Variants in PPP2R2C observed in about 807,000 individuals in gnomAD.
PPP2R2C encodes protein phosphatase 2, regulatory subunit B, gamma.
PPP2R2C carries 10 observed loss-of-function variants against 45.3 expected under a neutral mutation model. The ratio of observed to expected loss-of-function variants is 0.22; its 90% confidence interval spans 0.14 to 0.37. PPP2R2C has a LOEUF of 0.37. Among genes scored for constraint, PPP2R2C ranks in the 10% least tolerant of loss-of-function variants. PPP2R2C has a pLI of 1.00. For missense variants in PPP2R2C, 308 were observed against 619.7 expected (o/e 0.50, Z 5.34); for synonymous variants, 257 against 245.4 (o/e 1.05, Z -0.44).
rs745402259 is a variant in PPP2R2C at position 6,378,367 on chromosome 4, C to A, written c.334+40G>T. On this transcript the variant is annotated intron_variant, in intron 3 of 8. Transcript: ENST00000382599. This position sits in a 1 kb window ranked among gnomAD's most constrained non-coding sequence, Gnocchi z 5.2. ...AACCAGCATTTGGTAGAAACATCTA[C>A]GGCCTGTGCCCATGCAAGCGAGGCC... is the stretch of plus-strand genomic sequence containing the variant. 5 of 1,613,000 alleles carry A rather than the reference C, an allele frequency of 3.1e-6. No homozygotes were observed. The African/African-American group carries it at 6.7e-5, about 22-fold the overall frequency.
At chr4:6,467,909 C>T (rs1721670850) in intron 1 of PPP2R2C, among the ~76,000 whole-genome samples, 2 of 152,122 alleles carry the variant, frequency 1.3e-5, no homozygotes, top group Admixed American at 6.5e-5. Flanking sequence ...TCCCTGTTCC[C>T]ATCACAAGAG....
chr4:6,546,435 A>G lies in PPP2R2C; in HGVS notation c.-58-11058T>C, dbSNP rs78614908. Among the ~76,000 whole-genome samples the G allele has an allele frequency of 4.7e-3, 719 of 152,310 alleles. 1 individual carries two copies. Among genetic ancestry groups the G allele is most frequent in the Middle Eastern group, 0.017 (5 of 294 alleles). On this transcript the variant is annotated intron_variant, in intron 1 of 9. Transcript: ENST00000506140. ...CTGCAGCATCTCATTAATCCTCACA[A>G]TAACTTCTTAAAGGAGCTGTGGTTA... is the stretch of plus-strand genomic sequence containing the variant.
intron 1 of PPP2R2C, among the ~76,000 whole-genome samples, chr4:6,428,362 G>C (rs1320660960): frequency 6.6e-6 from 1 of 152,174 alleles, no homozygotes; most frequent in Non-Finnish European, 1.5e-5. Context: ...GCCAGGGCAG[G>C]GCAAGCCTTA....
At chr4:6,496,237 G>A (rs1722877581) in intron 2 of PPP2R2C, among the ~76,000 whole-genome samples, 1 of 152,154 alleles carries the variant, frequency 6.6e-6, no homozygotes, top group Admixed American at 6.5e-5. Flanking sequence ...TTTGCGGGGG[G>A]GCAAAGTTCA....
intron 5 of PPP2R2C, among the ~76,000 whole-genome samples, chr4:6,358,282 T>C (rs1713401560): frequency 6.6e-6 from 1 of 152,152 alleles, no homozygotes; most frequent in African/African-American, 2.4e-5. Context: ...CAGCTAGCCA[T>C]ATGTAGAAAG....
intron 5 of PPP2R2C, among the ~76,000 whole-genome samples, chr4:6,367,515 C>G (rs961103809): frequency 6.6e-6 from 1 of 152,170 alleles, no homozygotes; most frequent in African/African-American, 2.4e-5. Flanking sequence ...CAGCCAGAAT[C>G]CACCCCACTG....
chr4:6,462,633 G>C (rs1019869417), intron 1 of PPP2R2C, among the ~76,000 whole-genome samples: 3 of 152,190 alleles, frequency 2.0e-5, no homozygotes, highest in African/African-American at 7.2e-5. Flanking sequence ...CCAACCATAA[G>C]AGACATTTCT....
At chr4:6,352,257 T>A (rs1233827170) in intron 5 of PPP2R2C, among the ~76,000 whole-genome samples, 1 of 152,114 alleles carries the variant, frequency 6.6e-6, no homozygotes, top group Non-Finnish European at 1.5e-5. Flanking sequence ...GGGCGTCTGG[T>A]CTTGGCTGTT....
At chr4:6,344,271 G>A (rs1226453003) in intron 6 of PPP2R2C, among the ~76,000 whole-genome samples, 2 of 152,226 alleles carry the variant, frequency 1.3e-5, no homozygotes, top group Non-Finnish European at 2.9e-5. Context: ...GGGAGCTGGG[G>A]GTGAAGAATG....
intron 1 of PPP2R2C, among the ~76,000 whole-genome samples, chr4:6,440,932 G>GA (rs1430787344): frequency 4.6e-5 from 7 of 152,218 alleles, no homozygotes; most frequent in African/African-American, 1.4e-4. Flanking sequence ...GTGATAACAG[G>GA]AAAAATCTCA....
intron 1 of PPP2R2C, among the ~76,000 whole-genome samples, chr4:6,433,762 GCACCATTGTTA>G (rs1719747163): frequency 6.6e-6 from 1 of 152,102 alleles, no homozygotes; most frequent in Non-Finnish European, 1.5e-5. Flanking sequence ...TATGAAACAG[GCACCATTGTTA>G]CATCCATCTG....
At chr4:6,412,227 A>G (rs566965922) in intron 1 of PPP2R2C, among the ~76,000 whole-genome samples, 65 of 152,226 alleles carry the variant, frequency 4.3e-4, no homozygotes, top group Non-Finnish European at 8.2e-4. Flanking sequence ...GGTGATGACT[A>G]TTTGCCAGTC....
intron 2 of PPP2R2C, among the ~76,000 whole-genome samples, chr4:6,492,825 C>G (rs764469828): frequency 6.6e-6 from 1 of 152,170 alleles, no homozygotes; most frequent in African/African-American, 2.4e-5. Flanking sequence ...CCAAAAGGAG[C>G]AAGCCAGCCT....
intron 2 of PPP2R2C, among the ~76,000 whole-genome samples, chr4:6,485,996 C>T (rs1227703649): frequency 6.6e-6 from 1 of 151,816 alleles, no homozygotes; most frequent in Admixed American, 6.6e-5. Context: ...TGATTAGGAA[C>T]TTCCTTCTAT....
rs1008736211 is a variant in PPP2R2C, at chr4:6,378,196, G to C, written c.334+211C>G. 13 of 597,950 alleles carry C rather than the reference G, an allele frequency of 2.2e-5. No homozygotes were observed. The highest frequency in any genetic ancestry group is 2.7e-5 in the Non-Finnish European group (13 of 476,536). The allele number at this position is 597,950 out of a possible 1,614,324, so 37.0% of individuals were successfully genotyped here. A position where few individuals can be genotyped will look rare whatever the true frequency, so the allele number is the denominator to read the frequency against. On this transcript the variant is annotated intron_variant, in intron 3 of 8. Coordinates refer to ENST00000382599, the MANE Select transcript of PPP2R2C (RefSeq NM_020416.4). This position sits in a 1 kb window ranked among gnomAD's most constrained non-coding sequence, Gnocchi z 5.2. ...ATGGGATTTACATGCTGCTCAAAAA[G>C]GGGGGCAGCCCTGTGTCCAGACACA... is the stretch of plus-strand genomic sequence containing the variant.
chr4:6,437,904 A>G (rs1018370673), intron 1 of PPP2R2C, among the ~76,000 whole-genome samples: 7 of 152,308 alleles, frequency 4.6e-5, no homozygotes, highest in African/African-American at 1.4e-4. Context: ...AACCAACTAC[A>G]GGCCTTAGAA....
At chr4:6,423,084 G>A (rs1328012603) in intron 1 of PPP2R2C, among the ~76,000 whole-genome samples, 2 of 152,184 alleles carry the variant, frequency 1.3e-5, no homozygotes, top group Admixed American at 1.3e-4. Flanking sequence ...CTACCTGGAA[G>A]GGGCTGCAAT....
intron 1 of PPP2R2C, among the ~76,000 whole-genome samples, chr4:6,457,417 G>A (rs1490968793): frequency 6.6e-6 from 1 of 152,034 alleles, no homozygotes; most frequent in Non-Finnish European, 1.5e-5. Flanking sequence ...TGTCACCCAG[G>A]CTGGAGTACA....
At chr4:6,456,701 C>T (rs1455542204) in intron 1 of PPP2R2C, among the ~76,000 whole-genome samples, 2 of 152,196 alleles carry the variant, frequency 1.3e-5, no homozygotes, top group African/African-American at 4.8e-5. Context: ...CACGGTGAAC[C>T]ACGGGCTGCC....
Sources: gnomAD v4.1 joint callset for allele counts (sites outside exome capture counted in the v4.1 genomes callset) on GRCh38, gnomAD v4.1.1 for gene constraint, Gnocchi (gnomAD v3.1) non-coding constraint, MANE v1.5 for transcripts, NCBI Gene and HGNC (gene_info 2026-07-23, HGNC 2026-07-21) for gene names.